CCDC85A: variants seen among roughly 807,000 people sequenced by gnomAD.
CCDC85A encodes coiled-coil domain containing 85A.
Under a neutral mutation model 50.2 loss-of-function variants are expected in CCDC85A, and 38 were observed. The ratio of observed to expected loss-of-function variants is 0.76; its 90% CI spans 0.58 to 0.99. The LOEUF is 0.99. Among genes scored for constraint, CCDC85A ranks in the 50% least tolerant of loss-of-function variants. The pLI is 0.00. For synonymous variants in CCDC85A, 366 were observed against 301.4 expected, an observed-to-expected ratio of 1.21 and a Z score of -2.22; for missense variants, 820 against 742.0, an observed-to-expected ratio of 1.11 and a Z score of -1.22.
Position 56,243,868 on chromosome 2 carries a change from G to T in CCDC85A, c.1240+50428G>T, listed in dbSNP as rs766330489. Among the ~76,000 whole-genome samples the T allele has an allele frequency of 5.3e-5, 8 of 152,330 alleles. No homozygotes were observed. The East Asian group carries it at 1.4e-3, about 26-fold the overall frequency. Reference sequence around the variant, plus strand: ...CATTAGGGGACACCCCAAGCCCAGTGATACCATAGTTCTTGCAGACTCATA... The same window carrying T: ...CATTAGGGGACACCCCAAGCCCAGTTATACCATAGTTCTTGCAGACTCATA... On this transcript the variant is annotated intron_variant, in intron 2 of 5. Coordinates refer to ENST00000407595, the MANE Select transcript of CCDC85A (RefSeq NM_001080433.2).
At chr2:56,276,600 C>A (rs1252646803) in intron 2 of CCDC85A, among the ~76,000 whole-genome samples, 1 of 152,086 alleles carries the variant, frequency 6.6e-6, no homozygotes, top group Non-Finnish European at 1.5e-5. Flanking sequence ...GTGAGATGTG[C>A]CTTTCACCTT....
intron 2 of CCDC85A, among the ~76,000 whole-genome samples, chr2:56,265,958 A>G (rs565657200): frequency 1.2e-4 from 18 of 152,356 alleles, no homozygotes; most frequent in African/African-American, 3.8e-4. Context: ...CATACTATTC[A>G]GTCTTTAAAA....
At chr2:56,292,625 A>G (rs1389552674) in intron 2 of CCDC85A, among the ~76,000 whole-genome samples, 1 of 152,142 alleles carries the variant, frequency 6.6e-6, no homozygotes, top group Non-Finnish European at 1.5e-5. Context: ...CCTGCCTCTC[A>G]CCTAGGCAAT....
intron 2 of CCDC85A, among the ~76,000 whole-genome samples, chr2:56,300,495 G>T (rs1672152048): frequency 6.6e-6 from 1 of 152,148 alleles, no homozygotes. Flanking sequence ...TAGGGGTGAT[G>T]CTGAACCTGG....
At chr2:56,311,752 A>C (rs1672702654) in intron 2 of CCDC85A, among the ~76,000 whole-genome samples, 1 of 152,128 alleles carries the variant, frequency 6.6e-6, no homozygotes, top group Non-Finnish European at 1.5e-5. Flanking sequence ...TCCCTTTTGC[A>C]GATGTAAAAC....
At chr2:56,308,868 G>A (rs1376382014) in intron 2 of CCDC85A, among the ~76,000 whole-genome samples, 1 of 152,106 alleles carries the variant, frequency 6.6e-6, no homozygotes, top group Non-Finnish European at 1.5e-5. Context: ...TAAATTCCAG[G>A]CTGTTGGATG....
chr2:56,348,322 G>A (rs936982624), intron 3 of CCDC85A, among the ~76,000 whole-genome samples: 10 of 152,204 alleles, frequency 6.6e-5, no homozygotes, highest in Non-Finnish European at 1.5e-4. Flanking sequence ...TGAATCCATA[G>A]AGGCACCCGG....
chr2:56,296,653 T>C (rs1671962974), intron 2 of CCDC85A, among the ~76,000 whole-genome samples: 2 of 152,126 alleles, frequency 1.3e-5, no homozygotes. Context: ...AAAAGAGACA[T>C]AGGACAGAAC....
Position 56,385,665 on chromosome 2 carries a change from T to A in CCDC85A, c.*1310T>A, listed in dbSNP as rs1676790436. On this transcript the variant is annotated 3_prime_UTR_variant, in exon 6 of 6. Coordinates refer to ENST00000407595, the MANE Select transcript of CCDC85A (RefSeq NM_001080433.2). ...GAGATTTGATTCATGGCAGATATTCTCTGTTGTTGTTGTTTTAGATGGGCT... is the reference window on the plus strand; with the variant it reads ...GAGATTTGATTCATGGCAGATATTCACTGTTGTTGTTGTTTTAGATGGGCT... 1 of 152,082 alleles carries A rather than the reference T, an allele frequency of 6.6e-6. No individual in the cohort carries two copies. Among genetic ancestry groups the A allele is most frequent in the African/African-American group, 2.4e-5 (1 of 41,402 alleles). The allele number at this position is 152,082 out of a possible 1,614,324, so 9.4% of individuals were successfully genotyped here.
At chr2:56,338,785 A>C (rs972871009) in intron 2 of CCDC85A, among the ~76,000 whole-genome samples, 22 of 151,094 alleles carry the variant, frequency 1.5e-4, no homozygotes, top group Non-Finnish European at 2.4e-4. Context: ...TTTTTTTTTT[A>C]ATGGCTTTTC....
intron 2 of CCDC85A, among the ~76,000 whole-genome samples, chr2:56,273,659 C>G (rs922939752): frequency 6.7e-6 from 1 of 148,560 alleles, no homozygotes; most frequent in Non-Finnish European, 1.5e-5. Flanking sequence ...ATGAGTGAAC[C>G]AAGAAAAAAG....
intron 2 of CCDC85A, among the ~76,000 whole-genome samples, chr2:56,274,142 T>G (rs1010178161): frequency 6.6e-6 from 1 of 152,154 alleles, no homozygotes; most frequent in Non-Finnish European, 1.5e-5. Context: ...TCATGAAATA[T>G]CTATGTATTG....
At chr2:56,325,988 A>G (rs969794721) in intron 2 of CCDC85A, among the ~76,000 whole-genome samples, 1 of 152,164 alleles carries the variant, frequency 6.6e-6, no homozygotes, top group Non-Finnish European at 1.5e-5. Flanking sequence ...TGCATCAACT[A>G]AGGGATAGTG....
At chr2:56,315,842 G>A (rs1331304623) in intron 2 of CCDC85A, among the ~76,000 whole-genome samples, 1 of 152,136 alleles carries the variant, frequency 6.6e-6, no homozygotes, top group East Asian at 1.9e-4. Context: ...GCTAGGCAGT[G>A]TATTTCATAT....
At chr2:56,343,407 G>C (rs897689371) in intron 3 of CCDC85A, among the ~76,000 whole-genome samples, 1 of 152,168 alleles carries the variant, frequency 6.6e-6, no homozygotes, top group Non-Finnish European at 1.5e-5. Flanking sequence ...ATTCTTTGTG[G>C]TATAATTGAA....
intron 3 of CCDC85A, among the ~76,000 whole-genome samples, chr2:56,352,444 C>T (rs374520589): frequency 1.4e-4 from 21 of 152,210 alleles, no homozygotes; most frequent in African/African-American, 4.1e-4. Context: ...CTCCCTGGTT[C>T]GAGTGATTCT....
intron 2 of CCDC85A, among the ~76,000 whole-genome samples, chr2:56,260,207 A>G (rs1383357204): frequency 2.0e-5 from 3 of 152,196 alleles, no homozygotes; most frequent in Admixed American, 2.0e-4. Context: ...CCACAATAAT[A>G]TGGGAAAATG....
chr2:56,243,653 T>G (rs1049208852), intron 2 of CCDC85A, among the ~76,000 whole-genome samples: 13 of 152,324 alleles, frequency 8.5e-5, no homozygotes, highest in African/African-American at 2.9e-4. Flanking sequence ...TTATTTAGTT[T>G]GTTCAGTGAG....
intron 2 of CCDC85A, among the ~76,000 whole-genome samples, chr2:56,296,229 T>C (rs1036924149): frequency 1.3e-5 from 2 of 152,158 alleles, no homozygotes; most frequent in African/African-American, 2.4e-5. Flanking sequence ...GTACCCTTTT[T>C]TGCTATTTTA....
Sources: allele counts gnomAD v4.1 joint callset (sites outside exome capture counted in the v4.1 genomes callset), GRCh38; gene constraint gnomAD v4.1.1; transcripts MANE v1.5; gene names NCBI Gene and HGNC (gene_info 2026-07-23, HGNC 2026-07-21).